The following ABCC11 variants were observed in gnomAD, a reference collection of about 807,000 sequenced individuals.
The protein encoded by ABCC11 is ATP binding cassette subfamily C member 11, also known as ATP-binding cassette sub-family C member 11.
A neutral mutation model predicts 149.3 loss-of-function variants in ABCC11; 135 were observed. The observed-to-expected ratio is 0.90, with a 90% CI of 0.79 to 1.04. The LOEUF is 1.04. Ranked by LOEUF, ABCC11 falls within the 50% of genes least tolerant of loss-of-function variation. The pLI, the probability that ABCC11 is intolerant of heterozygous loss-of-function variation, is 0.00. For synonymous variants in ABCC11, 665 were observed against 671.4 expected, an observed-to-expected ratio of 0.99 and a Z score of 0.15; for missense variants, 1,680 against 1,722.1, an observed-to-expected ratio of 0.98 and a Z score of 0.43.
Position 48,215,292 on chromosome 16 carries a change from C to G in ABCC11, c.1004G>C (p.Ser335Thr). 2 of 1,614,162 alleles carry G rather than the reference C, an allele frequency of 1.2e-6. No individual in the cohort carries two copies. The highest frequency in any genetic ancestry group is 1.7e-6 in the Non-Finnish European group (2 of 1,180,012). ...VKAQHHTSEV[S>T]DQRIRVTSEV... ...ACTGGTCACACGGATGCGCTGGTCG[C>G]TGACCTCAGATGTGTGATGCTGAGC... The change falls in exon 8 of 30, where the codon AGC becomes ACC. Residue 335 changes from serine to threonine, a missense_variant. Coordinates refer to ENST00000356608, the MANE Select transcript of ABCC11 (RefSeq NM_001370497.1).
rs953387926 is a variant in ABCC11 at position 48,193,939 on chromosome 16, G to T, written c.2448C>A (p.Ile816=). 2.5e-6 allele frequency: 4 copies of T among 1,613,862 alleles called. No homozygotes were observed. Among genetic ancestry groups the T allele is most frequent in the South Asian group, 2.2e-5 (2 of 91,040 alleles). Residue 816 remains isoleucine, a synonymous_variant, in exon 19 of 30, where the codon ATC becomes ATA. Coordinates refer to ENST00000356608, the MANE Select transcript of ABCC11 (RefSeq NM_001370497.1). ...SCIIFFFVVL[I]VFLTIFSFWW... ...AGAAGCTGAAGATCGTTAAGAAGAC[G>T]ATCAGCACCACGAAGAAGAAAATTA...
rs145703478 is a variant in ABCC11, at chr16:48,201,968, G to T, written c.1878+1260C>A. Among the ~76,000 whole-genome samples, 365 of 152,230 alleles carry T rather than the reference G, an allele frequency of 2.4e-3. 4 individuals carry two copies. The highest frequency in any genetic ancestry group is 8.3e-3 in the East Asian group (43 of 5,166). Reference sequence around the variant, plus strand: ...GAGAAGAATCAGAGTTGAAATGGTGGCAGAGAAAACTCCTGTCCCTGCCGT... The same window carrying T: ...GAGAAGAATCAGAGTTGAAATGGTGTCAGAGAAAACTCCTGTCCCTGCCGT... On this transcript the variant is annotated intron_variant, in intron 14 of 29. Transcript: ENST00000356608.
At chr16:48,178,556 C>T (rs1446146648) in intron 24 of ABCC11, 41 bp downstream of exon 24, 7 of 1,596,444 alleles carry the variant, frequency 4.4e-6, no homozygotes, top group Non-Finnish European at 6.0e-6. Context: ...CATGCCCCAA[C>T]TTGCATGGCT....
At chr16:48,218,767 C>T (rs763101157) in intron 6 of ABCC11, among the ~76,000 whole-genome samples, 2 of 152,174 alleles carry the variant, frequency 1.3e-5, no homozygotes, top group African/African-American at 2.4e-5. Flanking sequence ...TAAGATGTGC[C>T]TTTCACCTTC....
chr16:48,213,431 C>A lies in ABCC11; in HGVS notation c.1356+12G>T. On this transcript the variant is annotated intron_variant, in intron 10 of 29. Coordinates refer to ENST00000356608, the MANE Select transcript of ABCC11 (RefSeq NM_001370497.1). ...AAGCAGGGGGCCTACAGCCAGTCCC[C>A]TGATGACCTACCTTGAACCTCATCA... 1 of 1,608,052 alleles carries A rather than the reference C, an allele frequency of 6.2e-7. No individual in the cohort carries two copies. The highest frequency in any genetic ancestry group is 1.1e-5 in the South Asian group (1 of 90,104).
chr16:48,213,500 A>G lies in ABCC11; in HGVS notation c.1299T>C (p.Phe433=). Residue 433 remains phenylalanine (F), a synonymous_variant, in exon 10 of 30, where the codon TTT becomes TTC. Transcript: ENST00000356608. ...SLNLLRLSVF[F]VPIAVKGLTN... ...TGAGACCTTTGACTGCAATAGGCAC[A>G]AAGAACACTGACAGCCGAAGGAGAT... 1 of 1,612,052 alleles carries G rather than the reference A, an allele frequency of 6.2e-7. No individual in the cohort carries two copies. Among genetic ancestry groups the G allele is most frequent in the South Asian group, 1.1e-5 (1 of 90,564 alleles).
At chr16:48,215,913 C>T (rs1001102906) in intron 7 of ABCC11, among the ~76,000 whole-genome samples, 13 of 152,252 alleles carry the variant, frequency 8.5e-5, no homozygotes, top group East Asian at 1.9e-4. Context: ...AGACTTTGCA[C>T]ATCACATTCA....
At chr16:48,175,488 G>A in intron 25 of ABCC11, 71 bp from the exon 26 acceptor site, 2 of 1,521,392 alleles carry the variant, frequency 1.3e-6, no homozygotes, top group Non-Finnish European at 1.8e-6. Flanking sequence ...ATCGCACCTG[G>A]CGATCACACC....
intron 1 of ABCC11, among the ~76,000 whole-genome samples, chr16:48,235,923 C>A (rs556193365): frequency 4.9e-4 from 75 of 152,238 alleles, no homozygotes; most frequent in Admixed American, 3.3e-3. Context: ...TAACCTGTAT[C>A]ATGGGCTTTC....
intron 15 of ABCC11, among the ~76,000 whole-genome samples, chr16:48,198,628 C>T (rs1233360799): frequency 6.6e-6 from 1 of 150,692 alleles, no homozygotes; most frequent in Non-Finnish European, 1.5e-5. Context: ...GAAGGATATA[C>T]ACTGAAGTAT....
At position 48,187,034 on chromosome 16, in the gene ABCC11, G is replaced by A; in HGVS notation, c.2990C>T (p.Pro997Leu). ...FKRLENYSRSPLFSHILNSLQ... is the reference protein window; with the variant it reads ...FKRLENYSRSLLFSHILNSLQ... Reference sequence around the variant, plus strand: ...AGAATTGAGGATGTGGGAGAATAAAGGAGACCGGCTATAGTTCTCCAGTCT... The same window carrying A: ...AGAATTGAGGATGTGGGAGAATAAAAGAGACCGGCTATAGTTCTCCAGTCT... The change falls in exon 22 of 30, where the codon CCT becomes CTT. Residue 997 changes from proline to leucine, a missense_variant. Coordinates refer to ENST00000356608, the MANE Select transcript of ABCC11 (RefSeq NM_001370497.1). The A allele has an allele frequency of 6.2e-7, 1 of 1,614,144 alleles. No homozygotes were observed. Among genetic ancestry groups the A allele is most frequent in the Non-Finnish European group, 8.5e-7 (1 of 1,180,016 alleles).
At chr16:48,201,474 C>CTTTTTTTT (rs560323114) in intron 14 of ABCC11, among the ~76,000 whole-genome samples, 69 of 123,454 alleles carry the variant, frequency 5.6e-4, no homozygotes, top group African/African-American at 9.0e-4. Context: ...TTTTCTTTTT[C>CTTTTTTTT]TTTTTTTTTT....
chr16:48,230,563 G>C lies in ABCC11; in HGVS notation c.110C>G (p.Thr37Ser). 6.3e-7 allele frequency: 1 copy of C among 1,580,126 alleles called. No homozygotes were observed. Among genetic ancestry groups the C allele is most frequent in the South Asian group, 1.2e-5 (1 of 86,434 alleles). ...MVSGLIYKTY[T>S]LQDGPWSQQE... ...CTGACTCCAGGGGCCATCTTGGAGA[G>C]TATAGGTTTTCTTGGAAAAGAAAAA... Residue 37 changes from threonine (T) to serine (S), a missense_variant, in exon 3 of 30, where the codon ACT (threonine) becomes AGT (serine). Coordinates refer to ENST00000356608, the MANE Select transcript of ABCC11 (RefSeq NM_001370497.1).
chr16:48,193,666 G>A (rs904275320), intron 19 of ABCC11, among the ~76,000 whole-genome samples: 3 of 151,900 alleles, frequency 2.0e-5, no homozygotes, highest in Admixed American at 2.0e-4. Flanking sequence ...CAGTAAGACT[G>A]CACAGGCGAC....
intron 5 of ABCC11, chr16:48,223,492 C>T: frequency 6.5e-6 from 1 of 153,498 alleles, no homozygotes; most frequent in Non-Finnish European, 1.4e-5. Context: ...GAGGACCCGG[C>T]ACCTAACTGT....
chr16:48,243,443 A>T (rs1971119024), intron 1 of ABCC11, among the ~76,000 whole-genome samples: 1 of 151,752 alleles, frequency 6.6e-6, no homozygotes, highest in Non-Finnish European at 1.5e-5. Flanking sequence ...CTTGCCACAG[A>T]TTAGAGAACA....
intron 3 of ABCC11, among the ~76,000 whole-genome samples, chr16:48,228,586 G>T (rs554916154): frequency 1.3e-5 from 2 of 150,466 alleles, no homozygotes; most frequent in African/African-American, 2.5e-5. Flanking sequence ...GACAGCGCAC[G>T]ACTCCGTCTC....
Position 48,192,505 on chromosome 16 carries a change from C to A in ABCC11, c.2706+15G>T. The A allele has an allele frequency of 6.2e-7, 1 of 1,613,904 alleles. No individual in the cohort carries two copies. The highest frequency in any genetic ancestry group is 1.1e-5 in the South Asian group (1 of 91,072). ...GAGCTCAGCCTTCGGCCCCACCCAG[C>A]ACCCAGGCCCATACCTTGTTGAAGA... On this transcript the variant is annotated intron_variant, in intron 20 of 29. Transcript: ENST00000356608.
At chr16:48,232,076 C>T in intron 1 of ABCC11, 137 bp from the exon 2 acceptor site, 4 of 1,444,106 alleles carry the variant, frequency 2.8e-6, no homozygotes, top group Non-Finnish European at 3.6e-6. Flanking sequence ...TGGGTGCCTG[C>T]TCTTTCCTCT....
Sources: allele counts gnomAD v4.1 joint callset (sites outside exome capture counted in the v4.1 genomes callset), GRCh38; gene constraint gnomAD v4.1.1; transcripts MANE v1.5; gene names NCBI Gene and HGNC (gene_info 2026-07-23, HGNC 2026-07-21).